Variants in ZNF662 observed in about 807,000 individuals in gnomAD.
ZNF662 encodes the protein zinc finger protein 662.
A neutral mutation model predicts 12.4 loss-of-function variants in ZNF662; 14 were observed. That is an observed-to-expected ratio of 1.13 (90% confidence interval 0.75 to 1.77). The LOEUF (loss-of-function observed/expected upper bound fraction) is 1.77. Ranked by LOEUF, ZNF662 falls within the 40% of genes most tolerant of loss-of-function variation. The probability of loss-of-function intolerance (pLI) is 0.00; values close to 1 mark genes in which losing one functional copy is unlikely to be tolerated. For missense variants in ZNF662, 550 were observed against 515.6 expected (o/e 1.07, Z -0.65); for synonymous variants, 184 against 176.4 (o/e 1.04, Z -0.34).
At chr3:42,914,270 C>G in intron 4 of ZNF662, 57 bp from the exon 5 acceptor site, 3 of 1,462,710 alleles carry the variant, frequency 2.1e-6, no homozygotes, top group Non-Finnish European at 2.8e-6. Flanking sequence ...ACTTGGTGAC[C>G]TTAGTCGCTG....
In ZNF662 at chr3:42,911,532, C is replaced by T. The variant is rs1409771659; in HGVS notation, c.152-1669C>T. Among the ~76,000 whole-genome samples, 8 of 152,308 alleles carry T rather than the reference C, an allele frequency of 5.3e-5. No individual in the cohort carries two copies. In the East Asian group the frequency reaches 5.8e-4, roughly 11 times the overall value. The stretch of plus-strand genomic sequence containing the variant: ...CTTGAGCAAAATTCTAACTCTCTGA[C>T]GTGCAGCTGACTTCCTTGGCACATA... On this transcript the variant is annotated intron_variant, in intron 3 of 4. Coordinates refer to ENST00000440367, the MANE Select transcript of ZNF662 (RefSeq NM_207404.4).
In ZNF662 at chr3:42,907,934, C is replaced by T. The variant is rs1052809864; in HGVS notation, c.-93-88C>T. On this transcript the variant is annotated intron_variant, in intron 1 of 4. Coordinates refer to ENST00000440367, the MANE Select transcript of ZNF662 (RefSeq NM_207404.4). The stretch of plus-strand genomic sequence containing the variant: ...AGAATCCAGAATCCCCACAGGCACC[C>T]CCACAGTACCTTTTGATGCCCTGTC... 3 of 1,514,384 alleles carry T rather than the reference C, an allele frequency of 2.0e-6. No homozygotes were observed. The African/African-American group carries it at 4.1e-5, about 21-fold the overall frequency. 93.8% of individuals were successfully genotyped at this position (1,514,384 alleles called of 1,614,324 possible).
Position 42,917,649 on chromosome 3 carries a change from T to C in ZNF662, c.*2295T>C. 1 of 670,774 alleles carries C rather than the reference T, an allele frequency of 1.5e-6. No homozygotes were observed. The highest frequency in any genetic ancestry group is 2.7e-6 in the Non-Finnish European group (1 of 374,850). The allele number at this position is 670,774 out of a possible 1,614,324, so 41.6% of individuals were successfully genotyped here. A position where few individuals can be genotyped will look rare whatever the true frequency, so the allele number is the denominator to read the frequency against. On this transcript the variant is annotated 3_prime_UTR_variant, in exon 5 of 5. Coordinates refer to ENST00000440367, the MANE Select transcript of ZNF662 (RefSeq NM_207404.4). Reference sequence around the variant, plus strand: ...TAAACATCTGTCAAACGAGTTAGAGTTGAGTTTTCTGTTATTTGCAACTTA... The same window carrying C: ...TAAACATCTGTCAAACGAGTTAGAGCTGAGTTTTCTGTTATTTGCAACTTA...
chr3:42,915,377 G>A lies in ZNF662; in HGVS notation c.*23G>A, dbSNP rs113518067. 1 of 1,522,736 alleles carries A rather than the reference G, an allele frequency of 6.6e-7. No homozygotes were observed. 94.3% of individuals were successfully genotyped at this position (1,522,736 alleles called of 1,614,324 possible). ...TAGAGAGTGCATAATGGTGATACTT[G>A]TTTATAATTCTTATGCTGCAGGAAC... is the stretch of plus-strand genomic sequence containing the variant. On this transcript the variant is annotated 3_prime_UTR_variant, in exon 5 of 5. Transcript: ENST00000440367.
rs752073222 is a variant in ZNF662, at chr3:42,915,381, A to G, written c.*27A>G. ...GAGTGCATAATGGTGATACTTGTTT[A>G]TAATTCTTATGCTGCAGGAACCCTA... On this transcript the variant is annotated 3_prime_UTR_variant, in exon 5 of 5. Coordinates refer to ENST00000440367, the MANE Select transcript of ZNF662 (RefSeq NM_207404.4). The G allele has an allele frequency of 4.6e-6, 7 of 1,520,690 alleles. 1 individual carries two copies. In the Middle Eastern group the frequency reaches 7.1e-4, roughly 154 times the overall value. 94.2% of individuals were successfully genotyped at this position (1,520,690 alleles called of 1,614,324 possible).
In ZNF662 at chr3:42,912,691, A is replaced by AT. The variant is rs1350631884; in HGVS notation, c.152-509dup. ...ATTTTTTATATATATAAATATATATATATTTTATATATATAAATATATATA... is the reference window on the plus strand; with the variant it reads ...ATTTTTTATATATATAAATATATATATTATTTTATATATATAAATATATATA... On this transcript the variant is annotated intron_variant, in intron 3 of 4. Coordinates refer to ENST00000440367, the MANE Select transcript of ZNF662 (RefSeq NM_207404.4). Among the ~76,000 whole-genome samples, 10 of 20,386 alleles carry AT rather than the reference A, an allele frequency of 4.9e-4. 1 individual carries two copies. Among genetic ancestry groups the AT allele is most frequent in the Non-Finnish European group, 1.0e-3 (9 of 8,672 alleles). The allele number at this position is 20,386 out of a possible 152,430, so 13.4% of individuals were successfully genotyped here. A position where few individuals can be genotyped will look rare whatever the true frequency, so the allele number is the denominator to read the frequency against.
At chr3:42,910,878 G>A (rs906497808) in intron 3 of ZNF662, among the ~76,000 whole-genome samples, 1 of 152,140 alleles carries the variant, frequency 6.6e-6, no homozygotes, top group Non-Finnish European at 1.5e-5. Flanking sequence ...AATTCAAACT[G>A]GCTTAAACAA....
At chr3:42,912,414 T>A (rs1156303340) in intron 3 of ZNF662, among the ~76,000 whole-genome samples, 4 of 98,414 alleles carry the variant, frequency 4.1e-5, no homozygotes, top group African/African-American at 1.7e-4. Context: ...TTATATATTA[T>A]ATATATTAAT....
chr3:42,918,046 C>T lies in ZNF662; in HGVS notation c.*2692C>T, dbSNP rs2088911842. On this transcript the variant is annotated 3_prime_UTR_variant, in exon 5 of 5. Transcript: ENST00000440367. ...GCTTGAATCTGGGAGGTGGAGGTTG[C>T]AGTGAGCCGAGATTGTGCCATTGCA... Among the ~76,000 whole-genome samples, 1 of 152,198 alleles carries T rather than the reference C, an allele frequency of 6.6e-6. No individual in the cohort carries two copies. Among genetic ancestry groups the T allele is most frequent in the South Asian group, 2.1e-4 (1 of 4,832 alleles).
chr3:42,910,413 A>C (rs1314483393), intron 3 of ZNF662, among the ~76,000 whole-genome samples: 1 of 152,036 alleles, frequency 6.6e-6, no homozygotes, highest in African/African-American at 2.4e-5. Flanking sequence ...TGTTTTATTC[A>C]TCCTGGCTCC....
Position 42,916,316 on chromosome 3 carries a change from G to T in ZNF662, c.*962G>T. On this transcript the variant is annotated 3_prime_UTR_variant, in exon 5 of 5. Coordinates refer to ENST00000440367, the MANE Select transcript of ZNF662 (RefSeq NM_207404.4). The stretch of plus-strand genomic sequence containing the variant: ...TCTTCAGAAGTTGCTTTCCTTTTGA[G>T]GCCACCAAAGTAATTTAGGGAAACA... 6.6e-6 allele frequency: 1 copy of T among 151,392 alleles called. No individual in the cohort carries two copies. Among genetic ancestry groups the T allele is most frequent in the Non-Finnish European group, 1.5e-5 (1 of 67,952 alleles). The allele number at this position is 151,392 out of a possible 1,614,324, so 9.4% of individuals were successfully genotyped here. A position where few individuals can be genotyped will look rare whatever the true frequency, so the allele number is the denominator to read the frequency against.
rs551904412 is a variant in ZNF662 at position 42,906,943 on chromosome 3, CTG to C, written c.-94+777_-94+778del. Among the ~76,000 whole-genome samples, 42 of 152,226 alleles carry C rather than the reference CTG, an allele frequency of 2.8e-4. No individual in the cohort carries two copies. The highest frequency in any genetic ancestry group is 9.4e-4 in the African/African-American group (39 of 41,526). On this transcript the variant is annotated intron_variant, in intron 1 of 4. Transcript: ENST00000440367. The surrounding 1 kb of genome is among the most constrained non-coding windows in gnomAD (Gnocchi z 4.4). ...GTCTGTGAGTAGTGAATGGAATTGT[CTG>C]TAGTGCAGAGGAATGTGGACTCTAT...
At position 42,915,152 on chromosome 3, in the gene ZNF662, A is replaced by C. The variant is rs201235871; in HGVS notation, c.1079A>C (p.His360Pro). ...AGGGTCCACACTGGGGACAAGCCTC[A>C]TGAATGTACTGACTGTGGGAAAAGC... Reference protein sequence around the residue: ...HQRVHTGDKPHECTDCGKSFF... With the variant: ...HQRVHTGDKPPECTDCGKSFF... Residue 360 changes from histidine (H) to proline (P), a missense_variant, in exon 5 of 5, where the codon CAT becomes CCT. Physicochemically the swap from His to Pro is moderately conservative, Grantham distance 77 (BLOSUM62 -2). Coordinates refer to ENST00000440367, the MANE Select transcript of ZNF662 (RefSeq NM_207404.4). 6.1e-5 allele frequency: 98 copies of C among 1,614,118 alleles called. No homozygotes were observed. The highest frequency in any genetic ancestry group is 8.2e-5 in the Non-Finnish European group (97 of 1,180,040).
Position 42,917,777 on chromosome 3 carries a change from TATCTC to T in ZNF662, c.*2430_*2434del, listed in dbSNP as rs2088909537. ...AGTAGTCTCATAAGCTTCTCAGTTT[TATCTC>T]ATCTCAGTTGCTTGGAAGTTGAGCA... On this transcript the variant is annotated 3_prime_UTR_variant, in exon 5 of 5. Transcript: ENST00000440367. 3 of 582,510 alleles carry T rather than the reference TATCTC, an allele frequency of 5.2e-6. No homozygotes were observed. Among genetic ancestry groups the T allele is most frequent in the East Asian group, 2.9e-5 (1 of 34,556 alleles). 36.1% of individuals were successfully genotyped at this position (582,510 alleles called of 1,614,324 possible).
intron 3 of ZNF662, among the ~76,000 whole-genome samples, chr3:42,909,162 A>G (rs2088731084): frequency 6.6e-6 from 1 of 152,146 alleles, no homozygotes; most frequent in Non-Finnish European, 1.5e-5. Context: ...AGGTCAGCAG[A>G]TAAACATGTG....
In ZNF662 at chr3:42,918,898, A is replaced by G. The variant is rs137885468; in HGVS notation, c.*3544A>G. On this transcript the variant is annotated 3_prime_UTR_variant, in exon 5 of 5. Coordinates refer to ENST00000440367, the MANE Select transcript of ZNF662 (RefSeq NM_207404.4). ...GGTAAGGACAGCTAAAAAAAATCCT[A>G]AGGCTGCTGACACACCCAGATAACT... Among the ~76,000 whole-genome samples the G allele has an allele frequency of 4.6e-3, 696 of 152,282 alleles. 3 individuals are homozygous for G. Among genetic ancestry groups the G allele is most frequent in the Middle Eastern group, 0.02 (6 of 294 alleles).
chr3:42,908,621 G>A, intron 2 of ZNF662, 172 bp from the exon 3 acceptor site: 1 of 1,454,940 alleles, frequency 6.9e-7, no homozygotes, highest in East Asian at 2.4e-5. Context: ...CCTGACCTTT[G>A]TAAGTCTCCT....
In ZNF662 at chr3:42,915,354, G is replaced by C; in HGVS notation, c.1281G>C (p.Ter427TyrextTer10). The change falls in exon 5 of 5, where the codon TAG becomes TAC. Residue 427 changes from the stop codon to tyrosine (Y), a stop_lost. Transcript: ENST00000440367. ...AGATCTCTCACCTTCTTGAACATTA[G>C]AGAGTGCATAATGGTGATACTTGTT... is the stretch of plus-strand genomic sequence containing the variant. ...NCQISHLLEH[*>Y] The C allele has an allele frequency of 6.4e-7, 1 of 1,558,112 alleles. No homozygotes were observed. Among genetic ancestry groups the C allele is most frequent in the Non-Finnish European group, 8.6e-7 (1 of 1,156,582 alleles).
Position 42,915,146 on chromosome 3 carries a change from A to G in ZNF662, c.1073A>G (p.Lys358Arg), listed in dbSNP as rs751718984. ...CACCAGAGGGTCCACACTGGGGACA[A>G]GCCTCATGAATGTACTGACTGTGGG... ...SQHQRVHTGD[K>R]PHECTDCGKS... The change falls in exon 5 of 5, where the codon AAG becomes AGG. Residue 358 changes from lysine to arginine, a missense_variant. Lys to Arg is a conservative substitution (Grantham distance 26). Transcript: ENST00000440367. 1 of 1,614,108 alleles carries G rather than the reference A, an allele frequency of 6.2e-7. No homozygotes were observed. Among genetic ancestry groups the G allele is most frequent in the Non-Finnish European group, 8.5e-7 (1 of 1,180,050 alleles).
Sources: gnomAD v4.1 joint callset for allele counts (sites outside exome capture counted in the v4.1 genomes callset) on GRCh38, gnomAD v4.1.1 for gene constraint, Gnocchi (gnomAD v3.1) non-coding constraint, MANE v1.5 for transcripts, NCBI Gene and HGNC (gene_info 2026-07-23, HGNC 2026-07-21) for gene names.